Variants in GSK3B observed in about 807,000 individuals in gnomAD.
The protein encoded by GSK3B is glycogen synthase kinase 3 beta.
GSK3B carries 15 observed loss-of-function variants against 56.4 expected under a neutral mutation model. That is an observed-to-expected ratio of 0.27 (90% CI 0.18 to 0.41). The LOEUF is 0.41. Among genes scored for constraint, GSK3B ranks in the 10% least tolerant of loss-of-function variants. The pLI, the probability that GSK3B is intolerant of heterozygous loss-of-function variation, is 1.00. For missense variants in GSK3B, 300 were observed against 513.4 expected (o/e 0.58, Z 4.02); for synonymous variants, 181 against 188.9 (o/e 0.96, Z 0.34).
intron 4 of GSK3B, among the ~76,000 whole-genome samples, chr3:119,922,400 C>T (rs1339042639): frequency 6.8e-6 from 1 of 147,102 alleles, no homozygotes; most frequent in Non-Finnish European, 1.5e-5. Context: ...ATGTAATATA[C>T]ACTATAGTAT....
chr3:119,960,703 GC>G (rs749842474), intron 2 of GSK3B, among the ~76,000 whole-genome samples: 153 of 152,160 alleles, frequency 1.0e-3, no homozygotes, highest in South Asian at 2.5e-3. Context: ...ATTTAAAATT[GC>G]AACCTCAACA....
intron 1 of GSK3B, among the ~76,000 whole-genome samples, chr3:120,046,335 G>A (rs2107537090): frequency 6.6e-6 from 1 of 152,230 alleles, no homozygotes; most frequent in South Asian, 2.1e-4. Flanking sequence ...ATGTACCACA[G>A]CATTGCAAGA....
intron 1 of GSK3B, among the ~76,000 whole-genome samples, chr3:120,082,140 T>G (rs1479241226): frequency 1.3e-5 from 2 of 152,074 alleles, no homozygotes; most frequent in African/African-American, 4.8e-5. Flanking sequence ...GCAAGCCCCC[T>G]TCTGAAAAAC....
intron 2 of GSK3B, among the ~76,000 whole-genome samples, chr3:119,973,805 G>T (rs1022849573): frequency 1.3e-5 from 2 of 152,134 alleles, no homozygotes; most frequent in African/African-American, 4.8e-5. Context: ...GTACATATAG[G>T]ATTCGGTACT....
intron 1 of GSK3B, among the ~76,000 whole-genome samples, chr3:120,062,701 G>A (rs1400821157): frequency 3.9e-5 from 6 of 152,174 alleles, no homozygotes; most frequent in African/African-American, 1.4e-4. Context: ...ACCCAGTGAT[G>A]AACAAGATCA....
At chr3:119,968,613 G>C (rs1426189998) in intron 2 of GSK3B, among the ~76,000 whole-genome samples, 1 of 152,062 alleles carries the variant, frequency 6.6e-6, no homozygotes, top group Non-Finnish European at 1.5e-5. Context: ...TCTTCAGCTT[G>C]ATAAAGTACA....
intron 9 of GSK3B, among the ~76,000 whole-genome samples, chr3:119,859,464 A>G (rs907150458): frequency 6.6e-6 from 1 of 152,204 alleles, no homozygotes; most frequent in Non-Finnish European, 1.5e-5. Context: ...ATTACAATAG[A>G]TTTTATAAAT....
At chr3:119,888,667 G>A (rs2056467243) in intron 7 of GSK3B, among the ~76,000 whole-genome samples, 1 of 152,084 alleles carries the variant, frequency 6.6e-6, no homozygotes, top group Non-Finnish European at 1.5e-5. Flanking sequence ...ACAACCATAA[G>A]GTCTGACTGC....
chr3:119,879,086 AAT>A (rs1353708136), intron 7 of GSK3B, among the ~76,000 whole-genome samples: 3 of 152,182 alleles, frequency 2.0e-5, no homozygotes, highest in African/African-American at 7.2e-5. Context: ...GTATCTGTGG[AAT>A]ATATGAGACA....
chr3:120,057,611 A>G (rs2058201936), intron 1 of GSK3B, among the ~76,000 whole-genome samples: 1 of 152,184 alleles, frequency 6.6e-6, no homozygotes, highest in Non-Finnish European at 1.5e-5. Context: ...ATATATATTA[A>G]AAGTTCAAAA....
At chr3:120,005,698 A>G (rs2057720983) in intron 1 of GSK3B, among the ~76,000 whole-genome samples, 1 of 152,240 alleles carries the variant, frequency 6.6e-6, no homozygotes, top group African/African-American at 2.4e-5. Context: ...TGAAGGAGAA[A>G]TAAAATCCTT....
At chr3:119,965,974 A>G (rs2057315339) in intron 2 of GSK3B, among the ~76,000 whole-genome samples, 1 of 152,196 alleles carries the variant, frequency 6.6e-6, no homozygotes, top group Non-Finnish European at 1.5e-5. Flanking sequence ...TGTGAGCACA[A>G]TTTTCCGGGG....
intron 1 of GSK3B, among the ~76,000 whole-genome samples, chr3:120,033,599 T>C (rs1430556690): frequency 6.6e-6 from 1 of 152,328 alleles, no homozygotes; most frequent in East Asian, 1.9e-4. Flanking sequence ...TGCATTGATA[T>C]GGTTTTGCTC....
At chr3:120,027,308 T>A (rs1206305565) in intron 1 of GSK3B, among the ~76,000 whole-genome samples, 13 of 136,494 alleles carry the variant, frequency 9.5e-5, no homozygotes, top group East Asian at 2.1e-4. Context: ...ACCCAGGAGG[T>A]GGAGGTCGCA....
intron 2 of GSK3B, among the ~76,000 whole-genome samples, chr3:119,948,435 G>T (rs2057121859): frequency 7.2e-5 from 11 of 152,156 alleles, no homozygotes; most frequent in Admixed American, 7.2e-4. Context: ...GGGCTTATGT[G>T]TACAATGGTA....
At chr3:119,941,070 C>T (rs2057044401) in intron 3 of GSK3B, among the ~76,000 whole-genome samples, 1 of 148,172 alleles carries the variant, frequency 6.7e-6, no homozygotes, top group Non-Finnish European at 1.5e-5. Context: ...AGCTGGAGTG[C>T]AATGGCTCGA....
chr3:119,896,710 G>T (rs1284532850), intron 7 of GSK3B, among the ~76,000 whole-genome samples: 5 of 152,040 alleles, frequency 3.3e-5, no homozygotes, highest in African/African-American at 1.2e-4. Context: ...ACCTTTTATT[G>T]CAAAAAAGGA....
At chr3:119,954,292 T>A (rs988702917) in intron 2 of GSK3B, among the ~76,000 whole-genome samples, 61 of 98,646 alleles carry the variant, frequency 6.2e-4, no homozygotes, top group African/African-American at 2.1e-3. Context: ...TAGAATAGAA[T>A]AGAATAGAAT....
intron 1 of GSK3B, among the ~76,000 whole-genome samples, chr3:120,069,041 C>T (rs2058304768): frequency 6.6e-6 from 1 of 152,048 alleles, no homozygotes; most frequent in Non-Finnish European, 1.5e-5. Flanking sequence ...GAAAGGAAAA[C>T]AAGTGGTGGA....
Sources: allele counts gnomAD v4.1 joint callset (sites outside exome capture counted in the v4.1 genomes callset), GRCh38; gene constraint gnomAD v4.1.1; transcripts MANE v1.5; gene names NCBI Gene and HGNC (gene_info 2026-07-23, HGNC 2026-07-21).